Variants in MSRA observed in about 807,000 individuals in gnomAD.
MSRA encodes mitochondrial peptide methionine sulfoxide reductase.
A neutral mutation model predicts 31.3 loss-of-function variants in MSRA; 54 were observed. That is an observed-to-expected ratio of 1.73 (90% CI 1.39 to 2.17). The LOEUF (loss-of-function observed/expected upper bound fraction) is 2.17, where lower values mean the gene tolerates loss of function less well. Among genes scored for constraint, MSRA ranks in the 30% most tolerant of loss-of-function variants. The probability of loss-of-function intolerance (pLI) is 0.00; values close to 1 mark genes in which losing one functional copy is unlikely to be tolerated. For missense variants in MSRA, 507 were observed against 300.9 expected (o/e 1.69, Z -5.07); for synonymous variants, 169 against 116.5 (o/e 1.45, Z -2.90).
chr8:10,277,067 T>C (rs995150234), intron 3 of MSRA, among the ~76,000 whole-genome samples: 1 of 152,236 alleles, frequency 6.6e-6, no homozygotes, highest in Non-Finnish European at 1.5e-5. Flanking sequence ...ACCTCATTAC[T>C]TGAGACCTAG....
intron 1 of MSRA, among the ~76,000 whole-genome samples, chr8:10,083,587 A>G (rs773879915): frequency 6.6e-6 from 1 of 152,246 alleles, no homozygotes; most frequent in African/African-American, 2.4e-5. Flanking sequence ...TTATTTAACA[A>G]AACCTGAGTT....
intron 2 of MSRA, among the ~76,000 whole-genome samples, chr8:10,239,762 AT>A (rs775402515): frequency 3.9e-5 from 6 of 152,204 alleles, no homozygotes; most frequent in Non-Finnish European, 8.8e-5. Context: ...AAGTCTCCCA[AT>A]GGGTCCCTGA....
chr8:10,131,723 C>A (rs917239932), intron 1 of MSRA, among the ~76,000 whole-genome samples: 15 of 152,154 alleles, frequency 9.9e-5, no homozygotes, highest in Non-Finnish European at 1.3e-4. Context: ...TTCCCTATGG[C>A]CAGTGTCCAC....
At chr8:10,056,864 C>G (rs1802402268) in intron 1 of MSRA, among the ~76,000 whole-genome samples, 2 of 152,286 alleles carry the variant, frequency 1.3e-5, no homozygotes, top group African/African-American at 4.8e-5. Context: ...TACCCTGACC[C>G]TCAAAAGTTG....
At chr8:10,060,858 G>T (rs1482260822) in intron 1 of MSRA, among the ~76,000 whole-genome samples, 2 of 152,102 alleles carry the variant, frequency 1.3e-5, no homozygotes, top group African/African-American at 4.8e-5. Flanking sequence ...AGATCTTTGA[G>T]GACAAATTCC....
chr8:10,385,249 G>A (rs1242736256), intron 5 of MSRA, among the ~76,000 whole-genome samples: 1 of 152,208 alleles, frequency 6.6e-6, no homozygotes, highest in Non-Finnish European at 1.5e-5. Flanking sequence ...CCTGGGGGAT[G>A]GCAGCAGATG....
intron 3 of MSRA, among the ~76,000 whole-genome samples, chr8:10,279,559 C>T (rs989363117): frequency 6.6e-6 from 1 of 152,124 alleles, no homozygotes; most frequent in African/African-American, 2.4e-5. Flanking sequence ...CTGACTCTCC[C>T]GTTATATCAA....
At chr8:10,428,080 A>G in intron 5 of MSRA, 68 bp from the exon 6 acceptor site, 1 of 1,533,292 alleles carries the variant, frequency 6.5e-7, no homozygotes, top group South Asian at 1.3e-5. Flanking sequence ...CTGGCCCCTC[A>G]GTGCCACCCC....
chr8:10,361,724 A>G (rs984017372), intron 5 of MSRA, among the ~76,000 whole-genome samples: 4 of 152,220 alleles, frequency 2.6e-5, no homozygotes, highest in Admixed American at 1.3e-4. Flanking sequence ...AAAGACTTTT[A>G]TTTAAATGTA....
intron 5 of MSRA, among the ~76,000 whole-genome samples, chr8:10,403,488 A>G (rs1017488488): frequency 2.6e-5 from 4 of 152,210 alleles, no homozygotes; most frequent in Non-Finnish European, 4.4e-5. Flanking sequence ...GGCTGGGACT[A>G]GAGAGCCTGG....
At chr8:10,195,164 T>C (rs1585140082) in intron 1 of MSRA, among the ~76,000 whole-genome samples, 1 of 152,358 alleles carries the variant, frequency 6.6e-6, no homozygotes, top group East Asian at 1.9e-4. Context: ...GTGATGACTG[T>C]CTTTGTCCGT....
At chr8:10,229,012 A>C in intron 2 of MSRA, among the ~76,000 whole-genome samples, 1 of 152,354 alleles carries the variant, frequency 6.6e-6, no homozygotes, top group East Asian at 1.9e-4. Flanking sequence ...AAAAAAGACG[A>C]AAAAAGATCT....
At position 10,289,331 on chromosome 8, in the gene MSRA, T is replaced by C. The variant is rs373123109; in HGVS notation, c.332-12203T>C. Among the ~76,000 whole-genome samples, 193 of 152,190 alleles carry C rather than the reference T, an allele frequency of 1.3e-3. 1 individual carries two copies. The highest frequency in any genetic ancestry group is 4.4e-3 in the African/African-American group (184 of 41,522). On this transcript the variant is annotated intron_variant, in intron 3 of 5. Transcript: ENST00000317173. Reference sequence around the variant, plus strand: ...CCCAGCCTTCTTTTTAATTTTTGTGTGTACATAGTAGGTACATTTATGGGG... The same window carrying C: ...CCCAGCCTTCTTTTTAATTTTTGTGCGTACATAGTAGGTACATTTATGGGG...
intron 1 of MSRA, among the ~76,000 whole-genome samples, chr8:10,063,386 G>A (rs1797304863): frequency 6.6e-6 from 1 of 152,206 alleles, no homozygotes; most frequent in African/African-American, 2.4e-5. Context: ...ACTTGGACCT[G>A]TCCAATGACA....
intron 1 of MSRA, among the ~76,000 whole-genome samples, chr8:10,097,698 ACTT>A (rs1249339876): frequency 6.6e-6 from 1 of 152,166 alleles, no homozygotes; most frequent in African/African-American, 2.4e-5. Context: ...TGATTTCTTA[ACTT>A]CTTTGCAGCG....
intron 5 of MSRA, among the ~76,000 whole-genome samples, chr8:10,416,240 A>G (rs1310305794): frequency 1.3e-5 from 2 of 152,158 alleles, no homozygotes; most frequent in Admixed American, 1.3e-4. Flanking sequence ...TCCTTGACAC[A>G]CAGCCAGTGC....
At chr8:10,161,986 C>T (rs904474172) in intron 1 of MSRA, among the ~76,000 whole-genome samples, 1 of 152,184 alleles carries the variant, frequency 6.6e-6, no homozygotes, top group African/African-American at 2.4e-5. Context: ...CTGTGCGGAT[C>T]CCAGCTCGCA....
intron 1 of MSRA, among the ~76,000 whole-genome samples, chr8:10,147,803 G>C (rs145737816): frequency 1.4e-4 from 21 of 152,310 alleles, no homozygotes; most frequent in Non-Finnish European, 2.8e-4. Context: ...CCAGGGGCTC[G>C]GAGACAGGTC....
intron 5 of MSRA, among the ~76,000 whole-genome samples, chr8:10,369,396 T>C (rs1328450208): frequency 2.6e-5 from 4 of 152,174 alleles, no homozygotes; most frequent in Non-Finnish European, 5.9e-5. Context: ...GCAGACAAAG[T>C]ACCCAACGAA....
Sources: allele counts gnomAD v4.1 joint callset (sites outside exome capture counted in the v4.1 genomes callset), GRCh38; gene constraint gnomAD v4.1.1; transcripts MANE v1.5; gene names NCBI Gene and HGNC (gene_info 2026-07-23, HGNC 2026-07-21).